TFEB: variants seen among roughly 807,000 people sequenced by gnomAD.
TFEB encodes the protein T-cell transcription factor EB.
Under a neutral mutation model 48.0 loss-of-function variants are expected in TFEB, and 12 were observed. The observed-to-expected ratio is 0.25, with a 90% CI of 0.16 to 0.40. TFEB has a LOEUF of 0.40. Ranked by LOEUF, TFEB falls within the 10% of genes least tolerant of loss-of-function variation. The pLI is 1.00. For synonymous variants in TFEB, 244 were observed against 261.4 expected (o/e 0.93, Z 0.64); for missense variants, 509 against 640.3 (o/e 0.79, Z 2.21).
Position 41,721,372 on chromosome 6 carries a change from TACACACACACACAC to T in TFEB, c.-23+13964_-23+13977del, listed in dbSNP as rs58269771. On this transcript the variant is annotated intron_variant, in intron 1 of 8. Transcript: ENST00000373033. ...TACTTTATTTGACACTAGGCACACATACACACACACACACACACACACACACACACACGAAACAT... is the reference window on the plus strand; with the variant it reads ...TACTTTATTTGACACTAGGCACACATACACACACACACACACACGAAACAT... Among the ~76,000 whole-genome samples, 64 of 144,798 alleles carry T rather than the reference TACACACACACACAC, an allele frequency of 4.4e-4. 1 individual carries two copies. Among genetic ancestry groups the T allele is most frequent in the Middle Eastern group, 3.5e-3 (1 of 284 alleles). 95.0% of individuals were successfully genotyped at this position (144,798 alleles called of 152,430 possible).
intron 1 of TFEB, among the ~76,000 whole-genome samples, chr6:41,731,855 T>C (rs1771464877): frequency 6.6e-6 from 1 of 152,178 alleles, no homozygotes; most frequent in Non-Finnish European, 1.5e-5. Flanking sequence ...TTCCTGGGTG[T>C]CTGGGGCTTC....
At chr6:41,727,691 GCAAA>G (rs1771270780) in intron 1 of TFEB, among the ~76,000 whole-genome samples, 1 of 152,142 alleles carries the variant, frequency 6.6e-6, no homozygotes, top group Non-Finnish European at 1.5e-5. Context: ...GACCCTGTCT[GCAAA>G]CAAACAAAAA....
At chr6:41,694,330 G>A (rs927528786) in intron 1 of TFEB, among the ~76,000 whole-genome samples, 1 of 152,170 alleles carries the variant, frequency 6.6e-6, no homozygotes, top group African/African-American at 2.4e-5. Context: ...GACACAGTGA[G>A]GTGTCTGTGC....
intron 1 of TFEB, among the ~76,000 whole-genome samples, chr6:41,711,469 G>A (rs909842837): frequency 6.6e-6 from 1 of 152,104 alleles, no homozygotes; most frequent in Non-Finnish European, 1.5e-5. Context: ...TCCCAGGTGG[G>A]GTATGAAAGG....
rs1176395140 is a variant in TFEB at position 41,686,169 on chromosome 6, T to C, written c.872A>G (p.Asp291Gly). ...SVDYIRRMQK[D>G]LQKSRELENH... ...CTCCAGCTCCCTGGACTTTTGCAGG[T>C]CCTTCTGCATCCTCCGGATGTAATC... Residue 291 changes from aspartate to glycine, a missense_variant, in exon 8 of 9, where the codon GAC becomes GGC. Around this residue, in one of 4 missense-constraint regions of TFEB, gnomAD observed 62 missense variants for 90.2 expected, o/e 0.69. Transcript: ENST00000373033. The C allele has an allele frequency of 6.2e-7, 1 of 1,614,208 alleles. No homozygotes were observed. Among genetic ancestry groups the C allele is most frequent in the East Asian group, 2.2e-5 (1 of 44,886 alleles).
intron 6 of TFEB, 180 bp downstream of exon 6, chr6:41,687,571 GAC>G (rs2127446420): frequency 1.3e-6 from 1 of 744,800 alleles, no homozygotes; most frequent in African/African-American, 1.7e-5. Flanking sequence ...CTAGTGGAAA[GAC>G]AGCACTAATA....
In TFEB at chr6:41,685,070, C is replaced by G. The variant is rs1345982768; in HGVS notation, c.960G>C (p.Glu320Asp). 10 of 1,443,806 alleles carry G rather than the reference C, an allele frequency of 6.9e-6. No individual in the cohort carries two copies. The highest frequency in any genetic ancestry group is 9.1e-6 in the Non-Finnish European group (10 of 1,095,236). The allele number at this position is 1,443,806 out of a possible 1,614,324, so 89.4% of individuals were successfully genotyped here. Residue 320 changes from glutamate (E) to aspartate (D), a missense_variant, in exon 9 of 9, where the codon GAG becomes GAC. By Grantham distance (45) the Glu-to-Asp change is conservative. Coordinates refer to ENST00000373033, the MANE Select transcript of TFEB (RefSeq NM_001271944.2). Reference sequence around the variant, plus strand: ...GGAGGCCGTGCACTCGAGCCTGCATCTCCAGCTCCTGCAGGGGAGCAGACA... The same window carrying G: ...GGAGGCCGTGCACTCGAGCCTGCATGTCCAGCTCCTGCAGGGGAGCAGACA... The part of the protein sequence containing the change: ...KQLWLRIQEL[E>D]MQARVHGLPT...
At chr6:41,708,034 T>C (rs866615872) in intron 1 of TFEB, among the ~76,000 whole-genome samples, 3 of 152,214 alleles carry the variant, frequency 2.0e-5, no homozygotes, top group South Asian at 2.1e-4. Context: ...TAGGAGAGGA[T>C]GCCATGCCAC....
intron 1 of TFEB, among the ~76,000 whole-genome samples, chr6:41,712,391 C>T (rs1447444226): frequency 3.9e-5 from 6 of 152,174 alleles, no homozygotes; most frequent in African/African-American, 1.2e-4. Flanking sequence ...GATTGGGTGA[C>T]GAGACCAGTA....
chr6:41,689,425 C>A (rs1186593122), intron 4 of TFEB, among the ~76,000 whole-genome samples: 1 of 152,198 alleles, frequency 6.6e-6, no homozygotes, highest in Non-Finnish European at 1.5e-5. Context: ...GCAGTGCTCT[C>A]CCTGCCTCCC....
chr6:41,702,315 C>G (rs756021533), intron 1 of TFEB, among the ~76,000 whole-genome samples: 2 of 152,146 alleles, frequency 1.3e-5, no homozygotes, highest in Non-Finnish European at 2.9e-5. Flanking sequence ...GACGGTTAGC[C>G]CGCCTGAGAG....
chr6:41,735,933 T>TC (rs2127285144), upstream of TFEB, among the ~76,000 whole-genome samples: 1 of 152,204 alleles, frequency 6.6e-6, no homozygotes, highest in African/African-American at 2.4e-5. Flanking sequence ...AAAGAGAGGG[T>TC]CCCAGATGGT....
chr6:41,707,714 C>T (rs1320254975), intron 1 of TFEB, among the ~76,000 whole-genome samples: 1 of 152,194 alleles, frequency 6.6e-6, no homozygotes, highest in Non-Finnish European at 1.5e-5. Flanking sequence ...AAGAAGCAGA[C>T]ATGACAGAGC....
intron 1 of TFEB, among the ~76,000 whole-genome samples, chr6:41,695,050 C>G (rs931771510): frequency 7.2e-5 from 11 of 152,184 alleles, no homozygotes; most frequent in Non-Finnish European, 1.0e-4. Flanking sequence ...CCAGCTTAGT[C>G]ATGTCCAAAA....
chr6:41,688,204 A>T (rs2294974), intron 4 of TFEB, 176 bp from the exon 5 acceptor site: 1 of 710,356 alleles, frequency 1.4e-6, no homozygotes. Flanking sequence ...CAGAGCTATT[A>T]TAAGATGTAG....
At chr6:41,692,833 T>C (rs1407291633) in intron 1 of TFEB, among the ~76,000 whole-genome samples, 1 of 152,204 alleles carries the variant, frequency 6.6e-6, no homozygotes, top group Admixed American at 6.5e-5. Flanking sequence ...CTTGGGGATA[T>C]TGCAAGAGGC....
intron 6 of TFEB, 48 bp downstream of exon 6, chr6:41,687,705 T>G: frequency 6.2e-7 from 1 of 1,612,156 alleles, no homozygotes; most frequent in Non-Finnish European, 8.5e-7. Flanking sequence ...CCAGCCCAGG[T>G]GAGAACAAGG....
At chr6:41,719,370 C>G (rs1770882070) in intron 1 of TFEB, among the ~76,000 whole-genome samples, 1 of 152,082 alleles carries the variant, frequency 6.6e-6, no homozygotes, top group Non-Finnish European at 1.5e-5. Flanking sequence ...ATCCTGAAAC[C>G]CTCCCCTGCC....
chr6:41,735,138 G>T (rs1771625409), intron 1 of TFEB: 1 of 958,680 alleles, frequency 1.0e-6, no homozygotes, highest in Admixed American at 6.2e-5. Flanking sequence ...GGGGGCTCCC[G>T]GCTCGGCGGG....
Sources: allele counts gnomAD v4.1 joint callset (sites outside exome capture counted in the v4.1 genomes callset), GRCh38; gene constraint gnomAD v4.1.1; regional missense constraint gnomAD v4.1.1; transcripts MANE v1.5; gene names NCBI Gene and HGNC (gene_info 2026-07-23, HGNC 2026-07-21).